Variants in URM1 observed in about 807,000 individuals in gnomAD.
URM1 encodes ubiquitin-related modifier 1.
In URM1, 11 loss-of-function variants were observed where a neutral mutation model predicts 17.7. The ratio of observed to expected loss-of-function variants is 0.62; its 90% CI spans 0.39 to 1.03. The LOEUF (loss-of-function observed/expected upper bound fraction) is 1.03, where lower values mean the gene tolerates loss of function less well. Among genes scored for constraint, URM1 ranks in the 50% least tolerant of loss-of-function variants. URM1 has a pLI of 0.00. For synonymous variants in URM1, 48 were observed against 50.6 expected, an observed-to-expected ratio of 0.95 and a Z score of 0.22; for missense variants, 128 against 129.2, an observed-to-expected ratio of 0.99 and a Z score of 0.04.
chr9:128,384,360 CAG>C (rs1833199708), intron 2 of URM1, among the ~76,000 whole-genome samples: 1 of 152,208 alleles, frequency 6.6e-6, no homozygotes, highest in Non-Finnish European at 1.5e-5. Context: ...CCTACAGACT[CAG>C]AGTGTCATTC....
At chr9:128,375,625 C>T (rs960631512) in intron 1 of URM1, among the ~76,000 whole-genome samples, 1 of 152,072 alleles carries the variant, frequency 6.6e-6, no homozygotes, top group African/African-American at 2.4e-5. Flanking sequence ...AGTGGCATGA[C>T]CTTGGCTAAC....
At chr9:128,380,331 G>C (rs1041214352) in intron 2 of URM1, among the ~76,000 whole-genome samples, 7 of 152,140 alleles carry the variant, frequency 4.6e-5, no homozygotes, top group Admixed American at 6.5e-5. Flanking sequence ...AGGCTGGGGG[G>C]GGGACACTTA....
intron 2 of URM1, among the ~76,000 whole-genome samples, chr9:128,380,812 G>T (rs999369088): frequency 2.7e-5 from 4 of 149,316 alleles, no homozygotes; most frequent in Admixed American, 2.0e-4. Flanking sequence ...ATTTGTGTAT[G>T]TTTTTTTTTG....
rs1049475965 is a variant in URM1 at position 128,388,114 on chromosome 9, T to C, written c.188+217T>C. 1.3e-5 allele frequency: 17 copies of C among 1,333,002 alleles called. No individual in the cohort carries two copies. In the African/African-American group the frequency reaches 2.4e-4, roughly 19 times the overall value. The allele number at this position is 1,333,002 out of a possible 1,614,324, so 82.6% of individuals were successfully genotyped here. A position where few individuals can be genotyped will look rare whatever the true frequency, so the allele number is the denominator to read the frequency against. Reference sequence around the variant, plus strand: ...AGATGAAAGGAGCCTGGTGAATTTCTCAGAAAACTTGGATTCTGCCCTCTG... The same window carrying C: ...AGATGAAAGGAGCCTGGTGAATTTCCCAGAAAACTTGGATTCTGCCCTCTG... On this transcript the variant is annotated intron_variant, in intron 3 of 4. Transcript: ENST00000372853.
At chr9:128,384,724 C>T (rs902279435) in intron 2 of URM1, among the ~76,000 whole-genome samples, 5 of 152,008 alleles carry the variant, frequency 3.3e-5, no homozygotes, top group East Asian at 3.9e-4. Flanking sequence ...TTGTATATAT[C>T]GTCTTATTTG....
chr9:128,371,929 C>T (rs1231515521), intron 1 of URM1, among the ~76,000 whole-genome samples: 1 of 152,222 alleles, frequency 6.6e-6, no homozygotes, highest in Non-Finnish European at 1.5e-5. Context: ...GAGCCTCCTT[C>T]AGGACAGTCA....
chr9:128,384,477 C>T (rs902325576), intron 2 of URM1, among the ~76,000 whole-genome samples: 9 of 152,168 alleles, frequency 5.9e-5, no homozygotes, highest in Non-Finnish European at 1.0e-4. Flanking sequence ...TCACTACTCT[C>T]GCAGTCCCCT....
chr9:128,377,892 A>ACTGCACCCAAGGTGTTT, intron 1 of URM1, 144 bp from the exon 2 acceptor site: 1 of 736,012 alleles, frequency 1.4e-6, no homozygotes, highest in South Asian at 1.7e-5. Context: ...AGAATTAGTC[A>ACTGCACCCAAGGTGTTT]CTGCACCCAA....
At chr9:128,375,541 C>T (rs1161629874) in intron 1 of URM1, among the ~76,000 whole-genome samples, 1 of 151,982 alleles carries the variant, frequency 6.6e-6, no homozygotes, top group Non-Finnish European at 1.5e-5. Flanking sequence ...TGAGACCTCA[C>T]TATGTTATAA....
At chr9:128,377,236 G>C (rs1024545666) in intron 1 of URM1, among the ~76,000 whole-genome samples, 3 of 152,050 alleles carry the variant, frequency 2.0e-5, no homozygotes, top group African/African-American at 7.2e-5. Flanking sequence ...TTTAGGAATT[G>C]GTCACTGGGT....
At chr9:128,371,956 C>T (rs1487614678) in intron 1 of URM1, among the ~76,000 whole-genome samples, 1 of 152,168 alleles carries the variant, frequency 6.6e-6, no homozygotes, top group African/African-American at 2.4e-5. Flanking sequence ...TTGCTGATTG[C>T]CTTCTGCAGA....
chr9:128,371,780 C>T (rs369279538), intron 1 of URM1, among the ~76,000 whole-genome samples: 1 of 152,208 alleles, frequency 6.6e-6, no homozygotes, highest in Non-Finnish European at 1.5e-5. Flanking sequence ...AAGGACCACC[C>T]TCCACCCGCT....
intron 1 of URM1, among the ~76,000 whole-genome samples, chr9:128,374,198 G>A (rs1184852196): frequency 6.6e-6 from 1 of 152,194 alleles, no homozygotes; most frequent in Non-Finnish European, 1.5e-5. Flanking sequence ...CACTCCAGAT[G>A]TGCTGACAGC....
In URM1 at chr9:128,371,422, C is replaced by T. The variant is rs546810867; in HGVS notation, c.35+7C>T. 5 of 1,612,748 alleles carry T rather than the reference C, an allele frequency of 3.1e-6. No individual in the cohort carries two copies. The highest frequency in any genetic ancestry group is 1.7e-5 in the Admixed American group (1 of 59,898). ...CAGTGGAGGTGGAGTTCGGGTGAGT[C>T]ACAGAGCTGGGGCGCCGTGGGGATG... On this transcript the variant is annotated splice_region_variant and intron_variant, in intron 1 of 4. Transcript: ENST00000372853.
Position 128,378,109 on chromosome 9 carries a change from G to A in URM1, c.106+3G>A, listed in dbSNP as rs767820255. The stretch of plus-strand genomic sequence containing the variant: ...TTTGCCTGGACAGGAGGAACCCTGT[G>A]AGTATTGGCTTTCTGAACCCCTCTC... On this transcript the variant is annotated splice_donor_region_variant and intron_variant, in intron 2 of 4. Transcript: ENST00000372853. 6.3e-7 allele frequency: 1 copy of A among 1,599,034 alleles called. No individual in the cohort carries two copies. Among genetic ancestry groups the A allele is most frequent in the Non-Finnish European group, 8.5e-7 (1 of 1,171,178 alleles).
At position 128,378,087 on chromosome 9, in the gene URM1, G is replaced by A. The variant is rs1833101706; in HGVS notation, c.87G>A (p.Leu29=). The A allele has an allele frequency of 1.2e-6, 2 of 1,610,140 alleles. No homozygotes were observed. The highest frequency in any genetic ancestry group is 1.7e-6 in the Non-Finnish European group (2 of 1,178,346). Residue 29 remains leucine, a synonymous_variant, in exon 2 of 5, where the codon TTG becomes TTA. Coordinates refer to ENST00000372853, the MANE Select transcript of URM1 (RefSeq NM_030914.4). ...GTATTAAGAAACATCGAGTCACTTTGCCTGGACAGGAGGAACCCTGTGAGT... is the reference window on the plus strand; with the variant it reads ...GTATTAAGAAACATCGAGTCACTTTACCTGGACAGGAGGAACCCTGTGAGT... The part of the protein sequence containing the change: ...FDGIKKHRVT[L]PGQEEPWDIR...
chr9:128,385,104 A>AGGCCC (rs1833209460), intron 2 of URM1, among the ~76,000 whole-genome samples: 1 of 152,144 alleles, frequency 6.6e-6, no homozygotes, highest in Non-Finnish European at 1.5e-5. Flanking sequence ...CTACGGGAGC[A>AGGCCC]GGCCCGTTCT....
intron 2 of URM1, among the ~76,000 whole-genome samples, chr9:128,385,514 CAA>C (rs1833214904): frequency 6.6e-6 from 1 of 152,072 alleles, no homozygotes; most frequent in Non-Finnish European, 1.5e-5. Flanking sequence ...AGAGGGAAGA[CAA>C]GAGGACACAG....
Position 128,389,274 on chromosome 9 carries a change from C to A in URM1, c.202C>A (p.Leu68Met). ...IQGDSVRPGILVLINDADWEL... is the reference protein window; with the variant it reads ...IQGDSVRPGIMVLINDADWEL... ...TCTTTCCCACAGGCGGCCAGGAATT[C>A]TGGTGCTGATTAACGATGCCGACTG... Residue 68 changes from leucine (L) to methionine (M), a missense_variant, in exon 4 of 5, where the codon CTG (leucine) becomes ATG (methionine). Transcript: ENST00000372853. The A allele has an allele frequency of 6.2e-7, 1 of 1,602,920 alleles. No homozygotes were observed. Among genetic ancestry groups the A allele is most frequent in the Non-Finnish European group, 8.5e-7 (1 of 1,172,482 alleles).
Sources: allele counts gnomAD v4.1 joint callset (sites outside exome capture counted in the v4.1 genomes callset), GRCh38; gene constraint gnomAD v4.1.1; transcripts MANE v1.5; gene names NCBI Gene and HGNC (gene_info 2026-07-23, HGNC 2026-07-21).